Variants in UTS2B observed in about 807,000 individuals in gnomAD.
The protein encoded by UTS2B is urotensin 2B, also known as urotensin-2B.
In UTS2B, 21 loss-of-function variants were observed where a neutral mutation model predicts 19.2. The ratio of observed to expected loss-of-function variants is 1.09; its 90% CI spans 0.78 to 1.58. The LOEUF (loss-of-function observed/expected upper bound fraction) is 1.58, where lower values mean the gene tolerates loss of function less well. Ranked by LOEUF, UTS2B falls within the 40% of genes most tolerant of loss-of-function variation. UTS2B has a pLI of 0.00. For synonymous variants in UTS2B, 57 were observed against 50.2 expected (o/e 1.14, Z -0.58); for missense variants, 138 against 130.3 (o/e 1.06, Z -0.29).
chr3:191,295,790 GTCT>G (rs1716842502), intron 4 of UTS2B, among the ~76,000 whole-genome samples: 1 of 150,026 alleles, frequency 6.7e-6, no homozygotes, highest in Admixed American at 6.6e-5. Context: ...TCTCTGTTGC[GTCT>G]TCTTTTCCAA....
chr3:191,314,232 A>G (rs1010564294), intron 3 of UTS2B, among the ~76,000 whole-genome samples: 113 of 152,272 alleles, frequency 7.4e-4, no homozygotes, highest in Non-Finnish European at 8.7e-4. Flanking sequence ...GTTAAGCCTC[A>G]TGGAGTTTCA....
intron 3 of UTS2B, among the ~76,000 whole-genome samples, chr3:191,305,983 G>A (rs1717129558): frequency 6.6e-6 from 1 of 152,074 alleles, no homozygotes; most frequent in South Asian, 2.1e-4. Flanking sequence ...TTGTAGGTGT[G>A]CAGTCTAATT....
At chr3:191,277,954 G>T in intron 6 of UTS2B, 118 bp downstream of exon 6, 2 of 542,066 alleles carry the variant, frequency 3.7e-6, no homozygotes, top group Non-Finnish European at 6.4e-6. Context: ...CTTTAGTGTA[G>T]CATATAAAAG....
chr3:191,333,889 T>G (rs147237303), upstream of UTS2B, among the ~76,000 whole-genome samples: 232 of 152,284 alleles, frequency 1.5e-3, 2 homozygotes, highest in East Asian at 0.039. Context: ...TTTTTATAGG[T>G]ATGTCTTGTA....
At chr3:191,312,299 G>A (rs1214576320) in intron 3 of UTS2B, among the ~76,000 whole-genome samples, 1 of 152,114 alleles carries the variant, frequency 6.6e-6, no homozygotes, top group Non-Finnish European at 1.5e-5. Flanking sequence ...AGCCCTGGAG[G>A]CGATGTGGAA....
chr3:191,268,879 AATCT>A (rs1439105570), intron 8 of UTS2B, among the ~76,000 whole-genome samples: 7 of 152,236 alleles, frequency 4.6e-5, no homozygotes, highest in Admixed American at 1.3e-4. Flanking sequence ...TGCTAATGAG[AATCT>A]ATCTGTTGAG....
At chr3:191,342,415 A>G in the UTS2B span, among the ~76,000 whole-genome samples, 5 of 152,174 alleles carry the variant, frequency 3.3e-5, no homozygotes, top group African/African-American at 4.8e-5. Flanking sequence ...TAAAGTATCT[A>G]GTTGCAAAAG....
At chr3:191,271,831 C>G (rs1266236228) in intron 8 of UTS2B, among the ~76,000 whole-genome samples, 2 of 152,180 alleles carry the variant, frequency 1.3e-5, no homozygotes, top group Admixed American at 1.3e-4. Context: ...TCACTAACTT[C>G]AGATTCATAC....
At chr3:191,299,330 T>C (rs1004472555) in intron 4 of UTS2B, among the ~76,000 whole-genome samples, 11 of 152,240 alleles carry the variant, frequency 7.2e-5, no homozygotes, top group Non-Finnish European at 1.5e-4. Context: ...CCCAGAGGTC[T>C]AGGACGGAAG....
At chr3:191,313,350 G>T (rs1050147948) in intron 3 of UTS2B, among the ~76,000 whole-genome samples, 1 of 152,122 alleles carries the variant, frequency 6.6e-6, no homozygotes, top group Non-Finnish European at 1.5e-5. Context: ...TGTGAACTCT[G>T]GTTCCTTCCC....
chr3:191,297,497 C>A (rs1716885695), intron 4 of UTS2B, among the ~76,000 whole-genome samples: 1 of 152,076 alleles, frequency 6.6e-6, no homozygotes, highest in African/African-American at 2.4e-5. Flanking sequence ...AAAATAATTC[C>A]TTGATTCTCT....
At chr3:191,330,177 C>A (rs4677629) in intron 1 of UTS2B, among the ~76,000 whole-genome samples, 2 of 152,052 alleles carry the variant, frequency 1.3e-5, no homozygotes, top group Admixed American at 1.3e-4. Flanking sequence ...TCTCTCCCTA[C>A]TTTTCCTAGG....
intron 3 of UTS2B, among the ~76,000 whole-genome samples, chr3:191,311,602 G>A (rs182588844): frequency 1.7e-3 from 259 of 152,206 alleles, no homozygotes; most frequent in African/African-American, 5.9e-3. Context: ...CATTCCAGAG[G>A]CCCACTTTCC....
chr3:191,319,042 GA>G (rs1173203793), intron 2 of UTS2B, among the ~76,000 whole-genome samples: 1 of 151,396 alleles, frequency 6.6e-6, no homozygotes, highest in East Asian at 1.9e-4. Context: ...TCTATCATAC[GA>G]GATGTTTATA....
intron 2 of UTS2B, among the ~76,000 whole-genome samples, chr3:191,324,388 G>A (rs1012027875): frequency 6.6e-6 from 1 of 152,216 alleles, no homozygotes; most frequent in Non-Finnish European, 1.5e-5. Flanking sequence ...ATGGCTTGGC[G>A]ATGTTCCCAC....
chr3:191,271,527 G>A (rs1397650317), intron 8 of UTS2B, among the ~76,000 whole-genome samples: 1 of 152,112 alleles, frequency 6.6e-6, no homozygotes, highest in East Asian at 1.9e-4. Context: ...CAATAGCTTT[G>A]GATAGACTTA....
chr3:191,298,961 T>A (rs1223681771), intron 4 of UTS2B, among the ~76,000 whole-genome samples: 1 of 152,196 alleles, frequency 6.6e-6, no homozygotes, highest in Non-Finnish European at 1.5e-5. Flanking sequence ...GCTCTAGGGA[T>A]CTGTGGAACT....
chr3:191,323,148 TATTTA>T (rs1236757398), intron 2 of UTS2B, among the ~76,000 whole-genome samples: 1 of 151,634 alleles, frequency 6.6e-6, no homozygotes. Context: ...TATTTTATTT[TATTTA>T]TTTATTTATT....
intron 4 of UTS2B, among the ~76,000 whole-genome samples, chr3:191,299,708 T>C (rs1716944870): frequency 1.3e-5 from 2 of 152,232 alleles, no homozygotes; most frequent in Admixed American, 1.3e-4. Flanking sequence ...CACTGGGGCA[T>C]TGCCTAATGG....
Sources: gnomAD v4.1 joint callset for allele counts (sites outside exome capture counted in the v4.1 genomes callset) on GRCh38, gnomAD v4.1.1 for gene constraint, MANE v1.5 for transcripts, NCBI Gene and HGNC (gene_info 2026-07-23, HGNC 2026-07-21) for gene names.